The following IPO11 variants were observed in gnomAD, a reference collection of about 807,000 sequenced individuals.
The protein encoded by IPO11 is importin 11.
In IPO11, 66 loss-of-function variants were observed where a neutral mutation model predicts 143.2. The ratio of observed to expected loss-of-function variants is 0.46; its 90% confidence interval spans 0.38 to 0.57. The LOEUF (loss-of-function observed/expected upper bound fraction) is 0.57, where lower values mean the gene tolerates loss of function less well. IPO11 is among the 20% of genes least tolerant of loss of function. The probability of loss-of-function intolerance (pLI) is 0.00; values close to 1 mark genes in which losing one functional copy is unlikely to be tolerated. For missense variants in IPO11, 1,026 were observed against 1,141.0 expected (o/e 0.90, Z 1.45); for synonymous variants, 385 against 377.8 (o/e 1.02, Z -0.22).
At chr5:62,519,331 C>T (rs1389446633) in intron 20 of IPO11, among the ~76,000 whole-genome samples, 3 of 152,104 alleles carry the variant, frequency 2.0e-5, no homozygotes, top group Non-Finnish European at 4.4e-5. Flanking sequence ...TATCAGTACC[C>T]TGCTCCTCCT....
At chr5:62,451,668 T>C in intron 4 of IPO11, 62 bp from the exon 5 acceptor site, 2 of 1,212,264 alleles carry the variant, frequency 1.6e-6, no homozygotes, top group Admixed American at 3.7e-5. Context: ...AGGTGATTTG[T>C]CACCGTGAAT....
chr5:62,607,025 A>G (rs1406338225), intron 29 of IPO11, among the ~76,000 whole-genome samples: 1 of 152,182 alleles, frequency 6.6e-6, no homozygotes, highest in Non-Finnish European at 1.5e-5. Context: ...CTCTTGCCAA[A>G]TACTGTACTG....
intron 29 of IPO11, among the ~76,000 whole-genome samples, chr5:62,607,630 G>A (rs1216554633): frequency 3.3e-5 from 5 of 152,240 alleles, no homozygotes; most frequent in South Asian, 4.1e-4. Flanking sequence ...TGCCCTTTGA[G>A]AATCCTTACC....
chr5:62,440,715 C>T (rs1337934653), intron 2 of IPO11, among the ~76,000 whole-genome samples: 1 of 151,644 alleles, frequency 6.6e-6, no homozygotes, highest in Non-Finnish European at 1.5e-5. Flanking sequence ...GTAATCCTAG[C>T]ACTTTGGGAG....
At chr5:62,478,898 A>G (rs2112214429) in intron 9 of IPO11, among the ~76,000 whole-genome samples, 1 of 152,348 alleles carries the variant, frequency 6.6e-6, no homozygotes, top group East Asian at 1.9e-4. Flanking sequence ...TATGACGTGC[A>G]CACATGCAAT....
chr5:62,510,991 C>T (rs1323320762), intron 19 of IPO11, among the ~76,000 whole-genome samples: 3 of 152,170 alleles, frequency 2.0e-5, no homozygotes, highest in African/African-American at 7.2e-5. Flanking sequence ...TCCTTGGCCT[C>T]GCAAAGTGCT....
At chr5:62,610,619 A>G (rs1316062650) in intron 29 of IPO11, among the ~76,000 whole-genome samples, 3 of 152,250 alleles carry the variant, frequency 2.0e-5, no homozygotes, top group Non-Finnish European at 4.4e-5. Context: ...CAATATTAAA[A>G]GCATTTCTCT....
intron 7 of IPO11, among the ~76,000 whole-genome samples, chr5:62,470,811 ATCTTCTTT>A (rs1745739160): frequency 9.2e-6 from 1 of 108,356 alleles, no homozygotes; most frequent in Non-Finnish European, 1.8e-5. Flanking sequence ...GTAGATAGCC[ATCTTCTTT>A]TTTTTTTTTT....
chr5:62,499,569 C>CTTT (rs35545041), intron 16 of IPO11, among the ~76,000 whole-genome samples: 1,373 of 100,006 alleles, frequency 0.014, 4 homozygotes, highest in Non-Finnish European at 0.017. Flanking sequence ...CTTACTCTAA[C>CTTT]TTTTTTTTTT....
intron 20 of IPO11, among the ~76,000 whole-genome samples, chr5:62,522,531 C>T (rs1401628093): frequency 2.6e-5 from 4 of 152,124 alleles, no homozygotes; most frequent in Admixed American, 6.6e-5. Flanking sequence ...CTGATCTGCC[C>T]GCCTTGACCT....
intron 29 of IPO11, among the ~76,000 whole-genome samples, chr5:62,617,322 TG>T (rs1250451594): frequency 6.6e-6 from 1 of 152,256 alleles, no homozygotes; most frequent in African/African-American, 2.4e-5. Context: ...TTCCATTCTC[TG>T]AATCACCTGG....
intron 12 of IPO11, among the ~76,000 whole-genome samples, chr5:62,486,604 T>TA (rs1440329656): frequency 6.6e-6 from 1 of 152,214 alleles, no homozygotes; most frequent in Non-Finnish European, 1.5e-5. Context: ...GATTTGCACT[T>TA]ACATAATTTA....
chr5:62,581,685 G>A (rs917028227), intron 27 of IPO11, among the ~76,000 whole-genome samples: 3 of 152,074 alleles, frequency 2.0e-5, no homozygotes, highest in African/African-American at 4.8e-5. Context: ...TCTGACTAGA[G>A]TTCATGCTTT....
At chr5:62,510,250 T>G (rs146690356) in intron 19 of IPO11, among the ~76,000 whole-genome samples, 29 of 152,326 alleles carry the variant, frequency 1.9e-4, no homozygotes, top group African/African-American at 7.0e-4. Context: ...TTATTCAGAA[T>G]TTTATATGGA....
intron 24 of IPO11, among the ~76,000 whole-genome samples, chr5:62,539,495 C>T (rs1263938809): frequency 6.6e-6 from 1 of 152,076 alleles, no homozygotes; most frequent in Non-Finnish European, 1.5e-5. Context: ...AATTTTTTAG[C>T]TTATTAGTTT....
chr5:62,418,384 C>G (rs1004579710), intron 1 of IPO11, among the ~76,000 whole-genome samples: 1 of 152,102 alleles, frequency 6.6e-6, no homozygotes, highest in Non-Finnish European at 1.5e-5. Context: ...AACTCCTGAC[C>G]TCAGGTGATC....
At chr5:62,599,132 T>C (rs990964175) in intron 28 of IPO11, among the ~76,000 whole-genome samples, 2 of 152,106 alleles carry the variant, frequency 1.3e-5, no homozygotes, top group African/African-American at 2.4e-5. Flanking sequence ...TTAGACACTA[T>C]GGGAGTGGGG....
intron 11 of IPO11, 25 bp downstream of exon 11, chr5:62,484,187 G>T: frequency 5.8e-6 from 9 of 1,564,248 alleles, no homozygotes; most frequent in Non-Finnish European, 7.8e-6. Flanking sequence ...TTTAGTGTTA[G>T]AATGACTTTT....
At chr5:62,480,904 TCA>T (rs1423296527) in intron 9 of IPO11, among the ~76,000 whole-genome samples, 6 of 142,848 alleles carry the variant, frequency 4.2e-5, no homozygotes, top group Admixed American at 7.2e-5. Flanking sequence ...ACTTCCTCTT[TCA>T]TTTTTTTTTT....
Sources: gnomAD v4.1 joint callset for allele counts (sites outside exome capture counted in the v4.1 genomes callset) on GRCh38, gnomAD v4.1.1 for gene constraint, MANE v1.5 for transcripts, NCBI Gene and HGNC (gene_info 2026-07-23, HGNC 2026-07-21) for gene names.